Variants in FAM219A observed in about 807,000 individuals in gnomAD.
FAM219A encodes protein FAM219A.
A neutral mutation model predicts 23.4 loss-of-function variants in FAM219A; 7 were observed. That is an observed-to-expected ratio of 0.30 (90% CI 0.17 to 0.56). The LOEUF (loss-of-function observed/expected upper bound fraction) is 0.56, where lower values mean the gene tolerates loss of function less well. FAM219A is among the 20% of genes least tolerant of loss of function. The probability of loss-of-function intolerance (pLI) is 0.92; values close to 1 mark genes in which losing one functional copy is unlikely to be tolerated. For synonymous variants in FAM219A, 93 were observed against 99.0 expected (o/e 0.94, Z 0.36); for missense variants, 166 against 246.9 (o/e 0.67, Z 2.20).
chr9:34,426,589 C>T (rs775210288), intron 1 of FAM219A, among the ~76,000 whole-genome samples: 1 of 152,124 alleles, frequency 6.6e-6, no homozygotes, highest in African/African-American at 2.4e-5. Context: ...TTTCACTGGA[C>T]GTAGTAATGT....
chr9:34,425,497 T>C (rs11792765), intron 1 of FAM219A, among the ~76,000 whole-genome samples: 20,270 of 152,192 alleles, frequency 0.13, 1,720 homozygotes, highest in East Asian at 0.28. Flanking sequence ...ATAAATAAAA[T>C]AAACAAATGA....
intron 1 of FAM219A, among the ~76,000 whole-genome samples, chr9:34,429,078 G>A (rs1184736303): frequency 6.6e-6 from 1 of 152,210 alleles, no homozygotes; most frequent in Non-Finnish European, 1.5e-5. Flanking sequence ...TCTGCCAGGC[G>A]TACTCAAGGC....
intron 1 of FAM219A, among the ~76,000 whole-genome samples, chr9:34,416,235 GAAAGAAAGAAAGAAAGAAAGAAA>G (rs1822010419): frequency 2.6e-5 from 3 of 116,914 alleles, no homozygotes; most frequent in African/African-American, 9.7e-5. Context: ...AAGAAAGAAA[GAAAGAAAGAAAGAAAGAAAGAAA>G]GGGGGAGGGA....
intron 1 of FAM219A, among the ~76,000 whole-genome samples, chr9:34,411,207 T>C (rs1172084331): frequency 2.0e-5 from 3 of 152,118 alleles, no homozygotes; most frequent in Admixed American, 1.3e-4. Context: ...TCCAGCATGA[T>C]ACAATTCTTT....
chr9:34,441,327 T>C lies in FAM219A; in HGVS notation c.60+16877A>G, dbSNP rs561186907. Among the ~76,000 whole-genome samples the C allele has an allele frequency of 3.9e-5, 6 of 152,326 alleles. No individual in the cohort carries two copies. The East Asian group carries it at 1.2e-3, about 29-fold the overall frequency. ...CCACAGTTGCTTCTACTCCCTAGTA[T>C]GAGTCAAGCATAGTCCTAGGAAGAT... On this transcript the variant is annotated intron_variant, in intron 1 of 5. Transcript: ENST00000651358.
At chr9:34,456,801 T>C (rs1823747031) in intron 1 of FAM219A, among the ~76,000 whole-genome samples, 1 of 152,244 alleles carries the variant, frequency 6.6e-6, no homozygotes, top group Non-Finnish European at 1.5e-5. Context: ...CTTCTTTGTT[T>C]TGGCTCTTAG....
chr9:34,430,112 G>A (rs1000398296), intron 1 of FAM219A, among the ~76,000 whole-genome samples: 1 of 152,174 alleles, frequency 6.6e-6, no homozygotes, highest in Non-Finnish European at 1.5e-5. Context: ...ATGTGTGGGG[G>A]GAGGTAGGGC....
At position 34,405,849 on chromosome 9, in the gene FAM219A, C is replaced by T; in HGVS notation, c.160+16G>A. 6.2e-7 allele frequency: 1 copy of T among 1,613,272 alleles called. No homozygotes were observed. The highest frequency in any genetic ancestry group is 8.5e-7 in the Non-Finnish European group (1 of 1,179,426). On this transcript the variant is annotated intron_variant, in intron 2 of 5. Coordinates refer to ENST00000651358, the MANE Select transcript of FAM219A (RefSeq NM_001184940.2). ...GCCTACTCCCCACATCTCCCTCACCCCCCAGACACACTCACCCAGCTTCAC... is the reference window on the plus strand; with the variant it reads ...GCCTACTCCCCACATCTCCCTCACCTCCCAGACACACTCACCCAGCTTCAC...
At chr9:34,410,940 GT>G (rs1239554682) in intron 1 of FAM219A, among the ~76,000 whole-genome samples, 1 of 152,200 alleles carries the variant, frequency 6.6e-6, no homozygotes, top group Non-Finnish European at 1.5e-5. Context: ...TATTAAAGCA[GT>G]TAGAATAGTC....
chr9:34,444,249 G>A (rs561628769), intron 1 of FAM219A, among the ~76,000 whole-genome samples: 16 of 152,308 alleles, frequency 1.1e-4, no homozygotes, highest in African/African-American at 3.8e-4. Flanking sequence ...CCCACCAGAG[G>A]CAAGTCTGTC....
At chr9:34,428,774 C>G (rs1007438732) in intron 1 of FAM219A, among the ~76,000 whole-genome samples, 1 of 152,218 alleles carries the variant, frequency 6.6e-6, no homozygotes, top group African/African-American at 2.4e-5. Flanking sequence ...CAAACAAACC[C>G]TCTTGGGATC....
intron 1 of FAM219A, among the ~76,000 whole-genome samples, chr9:34,418,502 G>C (rs1220971264): frequency 6.6e-6 from 1 of 152,214 alleles, no homozygotes; most frequent in African/African-American, 2.4e-5. Context: ...GTAGACACCA[G>C]AATCATAAGT....
intron 1 of FAM219A, among the ~76,000 whole-genome samples, chr9:34,425,927 C>T (rs1259871869): frequency 6.6e-6 from 1 of 152,142 alleles, no homozygotes; most frequent in African/African-American, 2.4e-5. Context: ...ACCCAATAGG[C>T]TGAAATATTT....
intron 1 of FAM219A, among the ~76,000 whole-genome samples, chr9:34,441,387 A>G (rs1823168334): frequency 1.3e-5 from 2 of 152,224 alleles, no homozygotes; most frequent in South Asian, 4.1e-4. Flanking sequence ...ATGAAGTGAG[A>G]TACTGCTGTT....
rs916385007 is a variant in FAM219A at position 34,400,884 on chromosome 9, G to T, written c.*80C>A. The T allele has an allele frequency of 2.2e-6, 3 of 1,394,388 alleles. No individual in the cohort carries two copies. The highest frequency in any genetic ancestry group is 3.0e-5 in the African/African-American group (2 of 67,024). 86.4% of individuals were successfully genotyped at this position (1,394,388 alleles called of 1,614,324 possible). A position where few individuals can be genotyped will look rare whatever the true frequency, so the allele number is the denominator to read the frequency against. Reference sequence around the variant, plus strand: ...GGCGCGGGGCCGGGGGCAGGCAGACGAGCTGGGAAGGGGTCGGCCTCTGCC... The same window carrying T: ...GGCGCGGGGCCGGGGGCAGGCAGACTAGCTGGGAAGGGGTCGGCCTCTGCC... On this transcript the variant is annotated 3_prime_UTR_variant, in exon 6 of 6. Transcript: ENST00000651358.
rs1823819393 is a variant in FAM219A, at chr9:34,458,053, G to C, written c.60+151C>G. ...TATTCTCCCACGGTTTTCTTGTCCT[G>C]CAAGTCCCCGTCCCCCGGCAATACG... On this transcript the variant is annotated intron_variant, in intron 1 of 5. Coordinates refer to ENST00000651358, the MANE Select transcript of FAM219A (RefSeq NM_001184940.2). The surrounding 1 kb of genome is among the most constrained non-coding windows in gnomAD (Gnocchi z 6.6). 1.4e-6 allele frequency: 1 copy of C among 724,720 alleles called. No individual in the cohort carries two copies. Among genetic ancestry groups the C allele is most frequent in the Non-Finnish European group, 2.1e-6 (1 of 485,518 alleles). The allele number at this position is 724,720 out of a possible 1,614,324, so 44.9% of individuals were successfully genotyped here.
intron 1 of FAM219A, among the ~76,000 whole-genome samples, chr9:34,421,320 T>C (rs1391935485): frequency 1.3e-5 from 2 of 151,754 alleles, no homozygotes; most frequent in African/African-American, 2.4e-5. Flanking sequence ...GGAGGGGAGA[T>C]TGTAGAGTAA....
chr9:34,405,716 A>G, intron 2 of FAM219A, 149 bp downstream of exon 2: 1 of 708,214 alleles, frequency 1.4e-6, no homozygotes. Flanking sequence ...CCTGCAGGAG[A>G]CAAGGTGCCT....
Position 34,458,153 on chromosome 9 carries a change from C to T in FAM219A, c.60+51G>A, listed in dbSNP as rs1324935661. 4 of 1,536,870 alleles carry T rather than the reference C, an allele frequency of 2.6e-6. No homozygotes were observed. The highest frequency in any genetic ancestry group is 3.5e-6 in the Non-Finnish European group (4 of 1,144,874). On this transcript the variant is annotated intron_variant, in intron 1 of 5. Coordinates refer to ENST00000651358, the MANE Select transcript of FAM219A (RefSeq NM_001184940.2). This position sits in a 1 kb window ranked among gnomAD's most constrained non-coding sequence, Gnocchi z 6.6. ...CCCCGGCCTGATTCCCTCCCTCCCC[C>T]TCAAGCGACGCCCCCTCCGGCCTTG...
Sources: gnomAD v4.1 joint callset for allele counts (sites outside exome capture counted in the v4.1 genomes callset) on GRCh38, gnomAD v4.1.1 for gene constraint, Gnocchi (gnomAD v3.1) non-coding constraint, MANE v1.5 for transcripts, NCBI Gene and HGNC (gene_info 2026-07-23, HGNC 2026-07-21) for gene names.